The following CWC22 variants were observed in gnomAD, a reference collection of about 807,000 sequenced individuals.
The protein encoded by CWC22 is pre-mRNA-splicing factor CWC22 homolog.
CWC22 carries 53 observed loss-of-function variants against 117.2 expected under a neutral mutation model. The observed-to-expected ratio is 0.45, with a 90% CI of 0.36 to 0.57. CWC22 has a LOEUF of 0.57. Among genes scored for constraint, CWC22 ranks in the 20% least tolerant of loss-of-function variants. The pLI is 0.00. For synonymous variants in CWC22, 360 were observed against 355.6 expected (o/e 1.01, Z -0.14); for missense variants, 980 against 1,068.8 (o/e 0.92, Z 1.16).
chr2:179,945,644 G>T lies in CWC22; in HGVS notation c.2212C>A (p.Gln738Lys). 1 of 1,611,776 alleles carries T rather than the reference G, an allele frequency of 6.2e-7. No individual in the cohort carries two copies. Reference protein sequence around the residue: ...KEVDKLIRNQQTNDRKQKERR... With the variant: ...KEVDKLIRNQKTNDRKQKERR... The stretch of plus-strand genomic sequence containing the variant: ...TCTTTTTGTTTCCTATCATTTGTTT[G>T]CTGGTTTCTGATCAATTTATCTACC... The change falls in exon 20 of 20, where the codon CAA (glutamine) becomes AAA (lysine). Residue 738 changes from glutamine to lysine, a missense_variant. Coordinates refer to ENST00000410053, the MANE Select transcript of CWC22 (RefSeq NM_020943.3).
intron 13 of CWC22, among the ~76,000 whole-genome samples, chr2:179,959,283 T>G (rs1225406592): frequency 2.0e-5 from 3 of 152,150 alleles, no homozygotes; most frequent in African/African-American, 4.8e-5. Context: ...ATCCTTGAAT[T>G]ATGCTAAGTG....
chr2:179,961,164 T>C (rs574754144), intron 13 of CWC22, among the ~76,000 whole-genome samples: 1 of 152,152 alleles, frequency 6.6e-6, no homozygotes, highest in Non-Finnish European at 1.5e-5. Flanking sequence ...AGTATTCATA[T>C]GCACAGAATT....
intron 13 of CWC22, among the ~76,000 whole-genome samples, chr2:179,960,416 T>C (rs1037205710): frequency 6.6e-6 from 1 of 151,970 alleles, no homozygotes; most frequent in Non-Finnish European, 1.5e-5. Flanking sequence ...ACAGGTAGAA[T>C]GGTTAACAAT....
chr2:179,946,737 TAGG>T (rs1559282599), intron 19 of CWC22, among the ~76,000 whole-genome samples: 1 of 152,178 alleles, frequency 6.6e-6, no homozygotes, highest in Non-Finnish European at 1.5e-5. Context: ...TTCCTAAACA[TAGG>T]AGGAGTAGAA....
intron 8 of CWC22, among the ~76,000 whole-genome samples, chr2:179,972,748 C>A (rs543593177): frequency 5.6e-4 from 85 of 152,106 alleles, no homozygotes; most frequent in Non-Finnish European, 1.1e-3. Flanking sequence ...TGGCTCACAC[C>A]TGTAATCTCA....
At chr2:180,000,394 T>G (rs1024658543) in intron 1 of CWC22, among the ~76,000 whole-genome samples, 3 of 152,184 alleles carry the variant, frequency 2.0e-5, no homozygotes, top group Non-Finnish European at 2.9e-5. Context: ...TAGCATATAC[T>G]GACTTGATAC....
intron 17 of CWC22, 40 bp downstream of exon 17, chr2:179,952,431 G>A (rs1219716267): frequency 6.8e-7 from 1 of 1,476,058 alleles, no homozygotes; most frequent in Non-Finnish European, 9.0e-7. Context: ...GAGAAAACCA[G>A]AGGTCAATAA....
chr2:179,954,895 G>T, intron 15 of CWC22, 62 bp downstream of exon 15: 2 of 993,552 alleles, frequency 2.0e-6, no homozygotes, highest in Non-Finnish European at 3.1e-6. Context: ...AGACCATAAA[G>T]CAGAAATCAT....
In CWC22 at chr2:179,972,556, G is replaced by A. The variant is rs1260641417; in HGVS notation, c.804+637C>T. 7.2e-5 allele frequency among the ~76,000 whole-genome samples: 11 copies of A among 152,172 alleles called. 1 individual carries two copies. Among genetic ancestry groups the A allele is most frequent in the African/African-American group, 2.7e-4 (11 of 41,442 alleles). ...TAGATTCTCATGAACAGCAGGGAAT[G>A]AAGTGGAGGAGATACCAACTTTATT... On this transcript the variant is annotated intron_variant, in intron 8 of 19. Transcript: ENST00000410053.
At chr2:180,004,997 G>T (rs541163060) in intron 1 of CWC22, among the ~76,000 whole-genome samples, 2 of 150,652 alleles carry the variant, frequency 1.3e-5, no homozygotes, top group African/African-American at 4.9e-5. Flanking sequence ...AAACTAATTG[G>T]CATGAGAACT....
chr2:179,968,678 C>A (rs1451825422), intron 11 of CWC22, among the ~76,000 whole-genome samples: 1 of 151,954 alleles, frequency 6.6e-6, no homozygotes, highest in Admixed American at 6.6e-5. Flanking sequence ...AGCGATTCTC[C>A]TGCCTCAGCC....
At chr2:179,985,930 T>A (rs1414716318) in intron 4 of CWC22, among the ~76,000 whole-genome samples, 3 of 152,046 alleles carry the variant, frequency 2.0e-5, no homozygotes, top group Non-Finnish European at 4.4e-5. Flanking sequence ...CTGTAAAAAC[T>A]ATTACTAATT....
At chr2:179,995,093 G>A (rs946322175) in intron 1 of CWC22, among the ~76,000 whole-genome samples, 8 of 152,168 alleles carry the variant, frequency 5.3e-5, no homozygotes, top group African/African-American at 1.9e-4. Context: ...ACTCCAGCCT[G>A]GGCAACAGAG....
At chr2:179,969,338 A>G (rs1019736623) in intron 11 of CWC22, among the ~76,000 whole-genome samples, 2 of 152,236 alleles carry the variant, frequency 1.3e-5, no homozygotes, top group African/African-American at 2.4e-5. Context: ...GGCATATTAC[A>G]GTGAAAAGCT....
rs1245282147 is a variant in CWC22, at chr2:179,945,627, T to C, written c.2229A>G (p.Lys743=). 1.2e-6 allele frequency: 2 copies of C among 1,612,950 alleles called. No homozygotes were observed. Among genetic ancestry groups the C allele is most frequent in the Middle Eastern group, 1.7e-4 (1 of 6,060 alleles). Residue 743 remains lysine (K), a synonymous_variant, in exon 20 of 20, where the codon AAA becomes AAG. Coordinates refer to ENST00000410053, the MANE Select transcript of CWC22 (RefSeq NM_020943.3). ...CGTGTTCTTGTCTTCTTTCTTTTTG[T>C]TTCCTATCATTTGTTTGCTGGTTTC... The part of the protein sequence containing the change: ...LIRNQQTNDR[K]QKERRQEHGH...
At chr2:179,985,932 T>C (rs1687408528) in intron 4 of CWC22, among the ~76,000 whole-genome samples, 1 of 152,014 alleles carries the variant, frequency 6.6e-6, no homozygotes. Context: ...GTAAAAACTA[T>C]TACTAATTTC....
intron 6 of CWC22, among the ~76,000 whole-genome samples, chr2:179,977,179 T>A (rs953030873): frequency 5.9e-5 from 9 of 151,922 alleles, no homozygotes; most frequent in African/African-American, 1.7e-4. Flanking sequence ...ATAAAAAAAA[T>A]TTTTTTTTAT....
At chr2:179,965,583 G>C (rs945142752) in intron 12 of CWC22, among the ~76,000 whole-genome samples, 1 of 152,092 alleles carries the variant, frequency 6.6e-6, no homozygotes, top group Non-Finnish European at 1.5e-5. Flanking sequence ...ATAATCAAAG[G>C]CATAATATAC....
Position 179,986,739 on chromosome 2 carries a change from C to T in CWC22, c.162G>A (p.Glu54=), listed in dbSNP as rs757468004. The T allele has an allele frequency of 5.0e-6, 8 of 1,609,332 alleles. No homozygotes were observed. The highest frequency in any genetic ancestry group is 1.3e-5 in the African/African-American group (1 of 74,928). ...DYFDYSRSDY[E]HSRRGRSYDS... is the part of the protein sequence containing the mutation. Reference sequence around the variant, plus strand: ...CATAAGAACGTCCTCTTCTTGAATGCTCATAGTCTGATCTGCTGTAATCAA... The same window carrying T: ...CATAAGAACGTCCTCTTCTTGAATGTTCATAGTCTGATCTGCTGTAATCAA... The change falls in exon 4 of 20, where the codon GAG becomes GAA. Residue 54 remains glutamate (E), a synonymous_variant. Transcript: ENST00000410053.
Sources: gnomAD v4.1 joint callset for allele counts (sites outside exome capture counted in the v4.1 genomes callset) on GRCh38, gnomAD v4.1.1 for gene constraint, MANE v1.5 for transcripts, NCBI Gene and HGNC (gene_info 2026-07-23, HGNC 2026-07-21) for gene names.